TEF: variants seen among roughly 807,000 people sequenced by gnomAD.
TEF encodes thyrotroph embryonic factor.
In TEF, 3 loss-of-function variants were observed where a neutral mutation model predicts 20.8. The ratio of observed to expected loss-of-function variants is 0.14; its 90% CI spans 0.07 to 0.37. The LOEUF is 0.37. Among genes scored for constraint, TEF ranks in the 10% least tolerant of loss-of-function variants. The pLI is 1.00. For missense variants in TEF, 296 were observed against 397.9 expected, an observed-to-expected ratio of 0.74 and a Z score of 2.18; for synonymous variants, 180 against 171.1, an observed-to-expected ratio of 1.05 and a Z score of -0.41.
Position 41,396,960 on chromosome 22 carries a change from G to C in TEF, c.*1000G>C. On this transcript the variant is annotated 3_prime_UTR_variant, in exon 4 of 4. Coordinates refer to ENST00000266304, the MANE Select transcript of TEF (RefSeq NM_003216.4). ...TTCCACCATGGGCATGAGAGCTGGG[G>C]TGTGTTTCTTGAGAAGCTCCCTTTT... is the stretch of plus-strand genomic sequence containing the variant. The C allele has an allele frequency of 2.5e-6, 1 of 398,730 alleles. No homozygotes were observed. The highest frequency in any genetic ancestry group is 4.4e-6 in the Non-Finnish European group (1 of 226,182). The allele number at this position is 398,730 out of a possible 1,614,324, so 24.7% of individuals were successfully genotyped here.
chr22:41,386,301 C>T (rs2037096471), intron 1 of TEF, among the ~76,000 whole-genome samples: 4 of 151,814 alleles, frequency 2.6e-5, no homozygotes, highest in Admixed American at 6.6e-5. Context: ...ATTAATCAGG[C>T]GTGGTGCCGC....
At chr22:41,379,850 G>A (rs1337224950), upstream of TEF, among the ~76,000 whole-genome samples, 4 of 145,344 alleles carry the variant, frequency 2.8e-5, no homozygotes, top group South Asian at 8.6e-4. Flanking sequence ...CCGAGATCGC[G>A]CCATTGCACT....
intron 1 of TEF, among the ~76,000 whole-genome samples, chr22:41,375,977 T>C (rs12170389): frequency 0.048 from 7,338 of 152,188 alleles, 580 homozygotes; most frequent in African/African-American, 0.17. Context: ...GAAGAAGCCT[T>C]ATCACCCTCC....
At chr22:41,393,149 C>T (rs1270568636) in intron 2 of TEF, among the ~76,000 whole-genome samples, 1 of 151,092 alleles carries the variant, frequency 6.6e-6, no homozygotes, top group Non-Finnish European at 1.5e-5. Context: ...GAGACCAGCC[C>T]TGGCAACATA....
upstream of TEF, among the ~76,000 whole-genome samples, chr22:41,379,722 C>A (rs117971149): frequency 0.013 from 2,006 of 151,696 alleles, 15 homozygotes; most frequent in Non-Finnish European, 0.021. Flanking sequence ...AAATTAACCC[C>A]GTCTCTACTA....
In TEF at chr22:41,399,155, G is replaced by A. The variant is rs2145997395; in HGVS notation, c.*3195G>A. On this transcript the variant is annotated 3_prime_UTR_variant, in exon 4 of 4. Transcript: ENST00000266304. ...TACCTTTGTTGGGGGAAGGAGGCAA[G>A]AGAGAAATTCCTTCTTCCCAGCCAG... 1 of 152,778 alleles carries A rather than the reference G, an allele frequency of 6.5e-6. No individual in the cohort carries two copies. The highest frequency in any genetic ancestry group is 3.4e-3 in the Middle Eastern group (1 of 294). 9.5% of individuals were successfully genotyped at this position (152,778 alleles called of 1,614,324 possible). A position where few individuals can be genotyped will look rare whatever the true frequency, so the allele number is the denominator to read the frequency against.
upstream of TEF, among the ~76,000 whole-genome samples, chr22:41,380,869 T>C (rs1170377957): frequency 6.6e-6 from 1 of 152,234 alleles, no homozygotes; most frequent in African/African-American, 2.4e-5. Flanking sequence ...GTTTTTGTTT[T>C]CTAGGTAAAA....
upstream of TEF, among the ~76,000 whole-genome samples, chr22:41,378,711 A>AT (rs1273298334): frequency 2.6e-5 from 4 of 151,832 alleles, no homozygotes; most frequent in Non-Finnish European, 5.9e-5. Flanking sequence ...ACCTCAGGTG[A>AT]TCCGCCTGCC....
At chr22:41,385,704 C>T (rs757807509) in intron 1 of TEF, among the ~76,000 whole-genome samples, 3 of 151,836 alleles carry the variant, frequency 2.0e-5, no homozygotes, top group East Asian at 1.9e-4. Flanking sequence ...TTTTTTGTGA[C>T]GGAGTTTCAC....
upstream of TEF, among the ~76,000 whole-genome samples, chr22:41,378,200 A>G (rs1199947759): frequency 1.6e-5 from 2 of 126,138 alleles, no homozygotes; most frequent in Non-Finnish European, 3.1e-5. Flanking sequence ...ACAGAGTCTC[A>G]TTCTGTCCCA....
intron 1 of TEF, among the ~76,000 whole-genome samples, chr22:41,373,616 CCCA>C (rs1239033410): frequency 6.6e-6 from 1 of 151,818 alleles, no homozygotes; most frequent in Non-Finnish European, 1.5e-5. Context: ...ATTATGGGCG[CCCA>C]CCACCACGCC....
chr22:41,391,787 T>A (rs961677268), intron 2 of TEF, among the ~76,000 whole-genome samples: 11 of 152,142 alleles, frequency 7.2e-5, no homozygotes, highest in African/African-American at 2.7e-4. Flanking sequence ...CACGCCCAGC[T>A]AATTTTCGTA....
At position 41,395,996 on chromosome 22, in the gene TEF, C is replaced by T. The variant is rs1253208680; in HGVS notation, c.*36C>T. On this transcript the variant is annotated 3_prime_UTR_variant, in exon 4 of 4. Coordinates refer to ENST00000266304, the MANE Select transcript of TEF (RefSeq NM_003216.4). ...CCGCCCGGGCGGGGTACTGCCTGCA[C>T]CTCAGACCTCTGCCTGGGGGCTCCC... The T allele has an allele frequency of 1.3e-5, 21 of 1,587,738 alleles. No homozygotes were observed. The highest frequency in any genetic ancestry group is 1.8e-5 in the Non-Finnish European group (21 of 1,161,262).
At chr22:41,371,641 C>T (rs1051981228) in intron 1 of TEF, among the ~76,000 whole-genome samples, 5 of 152,240 alleles carry the variant, frequency 3.3e-5, no homozygotes, top group African/African-American at 1.2e-4. Flanking sequence ...AGGCAAACAG[C>T]AGCATGGCCT....
At chr22:41,370,412 A>ATT (rs35657809) in intron 1 of TEF, among the ~76,000 whole-genome samples, 43 of 108,600 alleles carry the variant, frequency 4.0e-4, no homozygotes, top group African/African-American at 1.1e-3. Flanking sequence ...TGCGCCTGGC[A>ATT]TTTTTTTTTT....
intron 1 of TEF, among the ~76,000 whole-genome samples, chr22:41,373,864 A>G (rs1397956387): frequency 6.6e-6 from 1 of 151,480 alleles, no homozygotes; most frequent in Non-Finnish European, 1.5e-5. Flanking sequence ...CCAGGGTTCA[A>G]GCGATTCTCC....
At chr22:41,376,555 T>C (rs935066780) in intron 1 of TEF, among the ~76,000 whole-genome samples, 1 of 152,220 alleles carries the variant, frequency 6.6e-6, no homozygotes, top group Non-Finnish European at 1.5e-5. Context: ...TTGGGCTAGT[T>C]AGCAGGTTTC....
At position 41,387,577 on chromosome 22, in the gene TEF, A is replaced by G; in HGVS notation, c.384A>G (p.Leu128=). ...ACCTGCTGCTGCCTGTAGCAGAGCT[A>G]GAAGGGAAGGAGTCTGCCAGCTCTT... is the stretch of plus-strand genomic sequence containing the variant. ...AHNLLLPVAE[L]EGKESASSST... is the part of the protein sequence containing the mutation. The change falls in exon 2 of 4, where the codon CTA becomes CTG. Residue 128 remains leucine, a synonymous_variant. Transcript: ENST00000266304. 1.2e-6 allele frequency: 2 copies of G among 1,614,210 alleles called. No homozygotes were observed. The highest frequency in any genetic ancestry group is 1.7e-6 in the Non-Finnish European group (2 of 1,180,018).
chr22:41,381,818 G>A, upstream of TEF: 2 of 1,150,456 alleles, frequency 1.7e-6, no homozygotes, highest in Non-Finnish European at 2.2e-6. Context: ...CCTCTCGCAG[G>A]CTGGACCAAT....
Sources: gnomAD v4.1 joint callset for allele counts (sites outside exome capture counted in the v4.1 genomes callset) on GRCh38, gnomAD v4.1.1 for gene constraint, MANE v1.5 for transcripts, NCBI Gene and HGNC (gene_info 2026-07-23, HGNC 2026-07-21) for gene names.